The following NISCH variants were observed in gnomAD, a reference collection of about 807,000 sequenced individuals.
NISCH encodes nischarin.
NISCH carries 55 observed loss-of-function variants against 138.4 expected under a neutral mutation model. That is an observed-to-expected ratio of 0.40 (90% CI 0.32 to 0.50). The LOEUF (loss-of-function observed/expected upper bound fraction) is 0.50, where lower values mean the gene tolerates loss of function less well. Ranked by LOEUF, NISCH falls within the 20% of genes least tolerant of loss-of-function variation. NISCH has a pLI of 0.71. For synonymous variants in NISCH, 860 were observed against 861.5 expected, an observed-to-expected ratio of 1.00 and a Z score of 0.03; for missense variants, 1,643 against 2,005.5, an observed-to-expected ratio of 0.82 and a Z score of 3.45.
chr3:52,458,542 C>G, intron 2 of NISCH, 120 bp from the exon 3 acceptor site: 1 of 756,286 alleles, frequency 1.3e-6, no homozygotes, highest in Non-Finnish European at 2.2e-6. Context: ...GATTTTGGTA[C>G]TACTGCAGGG....
intron 8 of NISCH, 33 bp downstream of exon 8, chr3:52,476,632 T>C (rs1287266783): frequency 6.2e-7 from 1 of 1,610,378 alleles, no homozygotes; most frequent in Non-Finnish European, 8.5e-7. Context: ...CAGGGGTTTC[T>C]CTGGCCCCAC....
rs1275903639 is a variant in NISCH at position 52,455,604 on chromosome 3, AGTCTGCGCCG to A, written c.-36_-27del. ...GTTGACCCCGCCCCCTGCTGCTGCT[AGTCTGCGCCG>A]GGCGGCGGTGGCGGCGGAGACCCGA... On this transcript the variant is annotated 5_prime_UTR_variant, in exon 1 of 21. Coordinates refer to ENST00000345716, the MANE Select transcript of NISCH (RefSeq NM_007184.4). 1 of 1,261,652 alleles carries A rather than the reference AGTCTGCGCCG, an allele frequency of 7.9e-7. No homozygotes were observed. Among genetic ancestry groups the A allele is most frequent in the Non-Finnish European group, 1.0e-6 (1 of 993,876 alleles). The allele number at this position is 1,261,652 out of a possible 1,614,324, so 78.2% of individuals were successfully genotyped here.
Position 52,480,256 on chromosome 3 carries a change from G to A in NISCH, c.1489G>A (p.Ala497Thr), listed in dbSNP as rs772614967. The A allele has an allele frequency of 1.6e-5, 26 of 1,613,706 alleles. No homozygotes were observed. The highest frequency in any genetic ancestry group is 2.2e-5 in the East Asian group (1 of 44,892). ...CAGCTCCCCTCCCACTGTGGCTCCC[G>A]CATCTGCCTCCCTGCCCCAGCCCAT... Reference protein sequence around the residue: ...PSSSPPTVAPASASLPQPILS... With the variant: ...PSSSPPTVAPTSASLPQPILS... Residue 497 changes from alanine (A) to threonine (T), a missense_variant, in exon 13 of 21, where the codon GCA becomes ACA. Ala to Thr is a moderately conservative substitution (Grantham distance 58, BLOSUM62 0). Transcript: ENST00000345716.
chr3:52,480,992 C>A lies in NISCH; in HGVS notation c.1528+697C>A, dbSNP rs1396068395. The A allele has an allele frequency of 4.2e-6, 6 of 1,434,756 alleles. No individual in the cohort carries two copies. The African/African-American group carries it at 8.6e-5, about 21-fold the overall frequency. 88.9% of individuals were successfully genotyped at this position (1,434,756 alleles called of 1,614,324 possible). ...GAGTGGAGCCGAGGCTCGGGACACG[C>A]AGGAAAGGACGCCGCCTGCCCGGGC... On this transcript the variant is annotated intron_variant, in intron 13 of 20. Coordinates refer to ENST00000345716, the MANE Select transcript of NISCH (RefSeq NM_007184.4).
intron 14 of NISCH, among the ~76,000 whole-genome samples, chr3:52,484,924 G>C (rs1707368242): frequency 6.6e-6 from 1 of 152,078 alleles, no homozygotes; most frequent in South Asian, 2.1e-4. Flanking sequence ...AGGGCACGAG[G>C]GGGGCAGGTG....
intron 3 of NISCH, among the ~76,000 whole-genome samples, chr3:52,470,402 A>G (rs1706911727): frequency 6.6e-6 from 1 of 152,230 alleles, no homozygotes; most frequent in South Asian, 2.1e-4. Flanking sequence ...GGAAATGGTC[A>G]TTCCCAGGGA....
At chr3:52,484,746 C>G in intron 14 of NISCH, 109 bp downstream of exon 14, 1 of 1,320,648 alleles carries the variant, frequency 7.6e-7, no homozygotes, top group Non-Finnish European at 1.1e-6. Context: ...CAGATGCTTC[C>G]AGGGTTTGGC....
At chr3:52,463,073 C>T (rs1363972529) in intron 3 of NISCH, among the ~76,000 whole-genome samples, 2 of 152,164 alleles carry the variant, frequency 1.3e-5, no homozygotes, top group Non-Finnish European at 1.5e-5. Flanking sequence ...AACATTTCAT[C>T]AGCCCAAAAA....
At chr3:52,455,826 C>A in intron 1 of NISCH, 92 bp downstream of exon 1, 1 of 926,858 alleles carries the variant, frequency 1.1e-6, no homozygotes, top group Non-Finnish European at 1.4e-6. Context: ...GGATCTGCAG[C>A]CCCGAGGAGC....
intron 3 of NISCH, among the ~76,000 whole-genome samples, chr3:52,459,474 C>T (rs1706568890): frequency 6.6e-6 from 1 of 152,212 alleles, no homozygotes; most frequent in South Asian, 2.1e-4. Context: ...TGCTCTGTCA[C>T]CTAGGCTGGA....
At chr3:52,457,530 G>A (rs1474137241) in intron 1 of NISCH, among the ~76,000 whole-genome samples, 1 of 152,248 alleles carries the variant, frequency 6.6e-6, no homozygotes, top group African/African-American at 2.4e-5. Flanking sequence ...AAAAACTAAA[G>A]AGGTGACTTG....
At chr3:52,473,568 C>G (rs1707008489) in intron 6 of NISCH, among the ~76,000 whole-genome samples, 166 bp from the exon 7 acceptor site, 1 of 152,214 alleles carries the variant, frequency 6.6e-6, no homozygotes, top group Non-Finnish European at 1.5e-5. Flanking sequence ...TTGGTCGGCA[C>G]TGACACTGGG....
intron 3 of NISCH, among the ~76,000 whole-genome samples, chr3:52,461,534 T>C (rs1706631405): frequency 6.6e-6 from 1 of 152,194 alleles, no homozygotes; most frequent in South Asian, 2.1e-4. Context: ...TGCAAGTCTT[T>C]CAGATAAACT....
chr3:52,477,741 G>T, intron 9 of NISCH, 99 bp downstream of exon 9: 1 of 986,540 alleles, frequency 1.0e-6, no homozygotes, highest in Non-Finnish European at 1.6e-6. Context: ...GCCAGGGGTT[G>T]TAAGGGCAGG....
At position 52,492,716 on chromosome 3, in the gene NISCH, C is replaced by T. The variant is rs1227375009; in HGVS notation, c.*234C>T. 7 of 577,670 alleles carry T rather than the reference C, an allele frequency of 1.2e-5. No homozygotes were observed. The highest frequency in any genetic ancestry group is 5.7e-5 in the East Asian group (2 of 35,148). The allele number at this position is 577,670 out of a possible 1,614,324, so 35.8% of individuals were successfully genotyped here. ...GTCAGCCTCCCACAGGTGGTACAGC[C>T]GTGCACACCAGTGTCGTGTCTGCTG... On this transcript the variant is annotated 3_prime_UTR_variant, in exon 21 of 21. Coordinates refer to ENST00000345716, the MANE Select transcript of NISCH (RefSeq NM_007184.4).
intron 7 of NISCH, chr3:52,476,205 G>A: frequency 2.0e-6 from 1 of 489,220 alleles, no homozygotes. Context: ...GGCTTGAAAA[G>A]CATTGCTCCT....
chr3:52,479,662 A>G (rs1047687731), intron 11 of NISCH, 87 bp from the exon 12 acceptor site: 11 of 947,518 alleles, frequency 1.2e-5, no homozygotes, highest in African/African-American at 3.3e-5. Flanking sequence ...CATGCTCACC[A>G]GTCCCCATGC....
intron 1 of NISCH, 32 bp downstream of exon 1, chr3:52,455,766 G>T: frequency 7.6e-7 from 1 of 1,323,510 alleles, no homozygotes; most frequent in Non-Finnish European, 9.8e-7. Flanking sequence ...CCGAAGCGGG[G>T]GTGGTGGCTG....
At chr3:52,491,594 AC>A in intron 20 of NISCH, 81 bp downstream of exon 20, 1 of 1,440,024 alleles carries the variant, frequency 6.9e-7, no homozygotes, top group Non-Finnish European at 9.4e-7. Flanking sequence ...GTGCCCCAGA[AC>A]CCTCTCTGCC....
Sources: allele counts gnomAD v4.1 joint callset (sites outside exome capture counted in the v4.1 genomes callset), GRCh38; gene constraint gnomAD v4.1.1; transcripts MANE v1.5; gene names NCBI Gene and HGNC (gene_info 2026-07-23, HGNC 2026-07-21).